MTREX: variants seen among roughly 807,000 people sequenced by gnomAD.
MTREX encodes the protein exosome RNA helicase MTR4.
MTREX carries 76 observed loss-of-function variants against 135.4 expected under a neutral mutation model. The ratio of observed to expected loss-of-function variants is 0.56; its 90% CI spans 0.47 to 0.68. The LOEUF (loss-of-function observed/expected upper bound fraction) is 0.68. MTREX is among the 30% of genes least tolerant of loss of function. The pLI is 0.00. For missense variants in MTREX, 920 were observed against 1,262.1 expected, an observed-to-expected ratio of 0.73 and a Z score of 4.11; for synonymous variants, 404 against 401.6, an observed-to-expected ratio of 1.01 and a Z score of -0.07.
Position 55,348,452 on chromosome 5 carries a change from G to A in MTREX, c.1241-1121G>A, listed in dbSNP as rs555200492. Among the ~76,000 whole-genome samples the A allele has an allele frequency of 1.6e-4, 24 of 152,306 alleles. No homozygotes were observed. In the East Asian group the frequency reaches 4.6e-3, roughly 29 times the overall value. ...AACCACTGGCCAAGAATTGCAGTGT[G>A]CTGAATACCAACCCGATTATCTTTC... On this transcript the variant is annotated intron_variant, in intron 11 of 26. Coordinates refer to ENST00000230640, the MANE Select transcript of MTREX (RefSeq NM_015360.5).
intron 23 of MTREX, among the ~76,000 whole-genome samples, chr5:55,412,584 A>C (rs1335235874): frequency 6.6e-6 from 1 of 152,194 alleles, no homozygotes; most frequent in Non-Finnish European, 1.5e-5. Flanking sequence ...CACTGGGGAG[A>C]TGGTGTTACT....
Position 55,330,610 on chromosome 5 carries a change from C to T in MTREX, c.515+1799C>T, listed in dbSNP as rs1188791420. ...CTTTGATGGATTGACTTTCCTGCTTCTTTGATTTTTTTTTTAGTCACTGAC... is the reference window on the plus strand; with the variant it reads ...CTTTGATGGATTGACTTTCCTGCTTTTTTGATTTTTTTTTTAGTCACTGAC... On this transcript the variant is annotated intron_variant, in intron 5 of 26. Transcript: ENST00000230640. 3.3e-5 allele frequency among the ~76,000 whole-genome samples: 5 copies of T among 149,586 alleles called. 1 individual carries two copies. Among genetic ancestry groups the T allele is most frequent in the Admixed American group, 2.7e-4 (4 of 15,090 alleles).
chr5:55,309,139 G>T (rs1749054312), intron 1 of MTREX, among the ~76,000 whole-genome samples: 1 of 152,176 alleles, frequency 6.6e-6, no homozygotes, highest in African/African-American at 2.4e-5. Flanking sequence ...AAATTGTGTT[G>T]TTAATGGTGC....
In MTREX at chr5:55,316,012, A is replaced by G. The variant is rs577165927; in HGVS notation, c.135-6315A>G. ...ATCAGAAACTATTATGAACACCTCT[A>G]CACACACAAACTAGAAAACCTACAA... On this transcript the variant is annotated intron_variant, in intron 1 of 26. Transcript: ENST00000230640. Among the ~76,000 whole-genome samples, 3 of 152,182 alleles carry G rather than the reference A, an allele frequency of 2.0e-5. No homozygotes were observed. The South Asian group carries it at 6.2e-4, about 32-fold the overall frequency.
chr5:55,314,887 A>G (rs1028766045), intron 1 of MTREX, among the ~76,000 whole-genome samples: 8 of 152,112 alleles, frequency 5.3e-5, no homozygotes, highest in South Asian at 2.1e-4. Flanking sequence ...ACAATTCACA[A>G]TAGGGTTTGT....
intron 14 of MTREX, among the ~76,000 whole-genome samples, chr5:55,358,355 T>C (rs1749954742): frequency 6.6e-6 from 1 of 152,206 alleles, no homozygotes; most frequent in Non-Finnish European, 1.5e-5. Context: ...AATTTAGTTT[T>C]GTTATGTCAG....
intron 1 of MTREX, among the ~76,000 whole-genome samples, chr5:55,317,389 A>G (rs564248735): frequency 1.3e-5 from 2 of 152,340 alleles, no homozygotes; most frequent in African/African-American, 2.4e-5. Context: ...CTATACTACA[A>G]GGCTACAGTA....
intron 1 of MTREX, among the ~76,000 whole-genome samples, chr5:55,321,824 G>A (rs1749294652): frequency 6.6e-6 from 1 of 151,966 alleles, no homozygotes; most frequent in Admixed American, 6.6e-5. Flanking sequence ...GTCCAGGCTG[G>A]TCTCTAACTC....
At chr5:55,354,071 G>A (rs749783686) in intron 14 of MTREX, among the ~76,000 whole-genome samples, 37 of 152,178 alleles carry the variant, frequency 2.4e-4, no homozygotes, top group Non-Finnish European at 3.5e-4. Context: ...TAATCCCAAG[G>A]CAAGTACTCC....
intron 1 of MTREX, among the ~76,000 whole-genome samples, chr5:55,314,325 G>GT (rs1266209314): frequency 1.3e-5 from 2 of 152,202 alleles, no homozygotes; most frequent in African/African-American, 4.8e-5. Flanking sequence ...AAATTGTTAG[G>GT]TTACTTGGCA....
rs747782715 is a variant in MTREX, at chr5:55,322,330, A to G, written c.138A>G (p.Lys46=). The G allele has an allele frequency of 1.9e-6, 3 of 1,594,332 alleles. No individual in the cohort carries two copies. The highest frequency in any genetic ancestry group is 1.8e-5 in the Admixed American group (1 of 54,808). The change falls in exon 2 of 27, where the codon AAA becomes AAG. Residue 46 remains lysine (K), a synonymous_variant. Transcript: ENST00000230640. ...TTCCAAACTATTTACTTTTCAGGAA[A>G]CGTTTTGATGGTAAATTACAATCAG... The part of the protein sequence containing the change: ...GPPGSADKAG[K]RFDGKLQSES...
rs570615227 is a variant in MTREX at position 55,336,648 on chromosome 5, G to A, written c.516-3362G>A. On this transcript the variant is annotated intron_variant, in intron 5 of 26. Transcript: ENST00000230640. Reference sequence around the variant, plus strand: ...CAGTACAGTTGTCACTCATTTTCCAGGGAGGATTGGGTCCCAGACCCCCTC... The same window carrying A: ...CAGTACAGTTGTCACTCATTTTCCAAGGAGGATTGGGTCCCAGACCCCCTC... Among the ~76,000 whole-genome samples the A allele has an allele frequency of 1.4e-4, 22 of 152,228 alleles. No homozygotes were observed. In the South Asian group the frequency reaches 2.3e-3, roughly 16 times the overall value.
intron 16 of MTREX, among the ~76,000 whole-genome samples, chr5:55,374,095 TAAAAATACAA>T (rs1750252892): frequency 1.3e-5 from 2 of 151,858 alleles, no homozygotes; most frequent in Non-Finnish European, 2.9e-5. Flanking sequence ...CTGTCTCTAC[TAAAAATACAA>T]AATTTAGCCA....
At chr5:55,391,321 C>T (rs529079090) in intron 19 of MTREX, among the ~76,000 whole-genome samples, 14 of 152,064 alleles carry the variant, frequency 9.2e-5, no homozygotes, top group Admixed American at 6.6e-4. Context: ...GTGGCATGTG[C>T]GTGTAGTCCC....
intron 24 of MTREX, among the ~76,000 whole-genome samples, chr5:55,414,799 G>A (rs1480926639): frequency 2.6e-5 from 4 of 151,978 alleles, no homozygotes; most frequent in East Asian, 3.9e-4. Context: ...ACAGGCACCC[G>A]CCACCACACT....
intron 5 of MTREX, chr5:55,329,532 G>C (rs1041968492): frequency 5.3e-5 from 8 of 152,000 alleles, no homozygotes; most frequent in Non-Finnish European, 1.0e-4. Context: ...GTTTGATCTT[G>C]TTTTCTGTAC....
Position 55,350,936 on chromosome 5 carries a change from T to C in MTREX, c.1338T>C (p.Pro446=). The change falls in exon 13 of 27, where the codon CCT becomes CCC. Residue 446 remains proline, a synonymous_variant. Coordinates refer to ENST00000230640, the MANE Select transcript of MTREX (RefSeq NM_015360.5). ...KKLPQVEHVL[P]LLKRGIGIHH... ...AATCACAGGTAGAACATGTACTTCC[T>C]CTTTTGAAGAGGGGAATTGGTATTC... 1 of 1,602,648 alleles carries C rather than the reference T, an allele frequency of 6.2e-7. No individual in the cohort carries two copies. Among genetic ancestry groups the C allele is most frequent in the Non-Finnish European group, 8.5e-7 (1 of 1,177,024 alleles).
At chr5:55,406,433 C>T (rs2111604674) in intron 22 of MTREX, among the ~76,000 whole-genome samples, 1 of 152,324 alleles carries the variant, frequency 6.6e-6, no homozygotes, top group African/African-American at 2.4e-5. Flanking sequence ...CCTCAGGATG[C>T]TTACATGGTA....
intron 1 of MTREX, among the ~76,000 whole-genome samples, chr5:55,319,864 A>G (rs887787951): frequency 2.0e-5 from 3 of 152,154 alleles, no homozygotes; most frequent in Non-Finnish European, 2.9e-5. Context: ...GGGAACTTTC[A>G]TGTTTCTTTG....
Sources: allele counts gnomAD v4.1 joint callset (sites outside exome capture counted in the v4.1 genomes callset), GRCh38; gene constraint gnomAD v4.1.1; transcripts MANE v1.5; gene names NCBI Gene and HGNC (gene_info 2026-07-23, HGNC 2026-07-21).